Variants in YPEL2 observed in about 807,000 individuals in gnomAD.
YPEL2 encodes protein yippee-like 2.
In YPEL2, 2 loss-of-function variants were observed where a neutral mutation model predicts 19.1. The ratio of observed to expected loss-of-function variants is 0.10; its 90% CI spans 0.04 to 0.33. The LOEUF (loss-of-function observed/expected upper bound fraction) is 0.33. Among genes scored for constraint, YPEL2 ranks in the 10% least tolerant of loss-of-function variants. The pLI, the probability that YPEL2 is intolerant of heterozygous loss-of-function variation, is 1.00. For synonymous variants in YPEL2, 52 were observed against 50.0 expected (o/e 1.04, Z -0.17); for missense variants, 66 against 140.7 (o/e 0.47, Z 2.68).
chr17:59,385,233 A>T (rs1187432264), intron 2 of YPEL2, among the ~76,000 whole-genome samples: 3 of 152,214 alleles, frequency 2.0e-5, no homozygotes, highest in Admixed American at 2.0e-4. Flanking sequence ...AAAAAGTCAG[A>T]CAAACACATA....
At chr17:59,358,511 C>T (rs1042805743) in intron 2 of YPEL2, among the ~76,000 whole-genome samples, 4 of 151,680 alleles carry the variant, frequency 2.6e-5, no homozygotes, top group East Asian at 1.9e-4. Flanking sequence ...AAGGAAGTAC[C>T]GAGATCTGAC....
intron 2 of YPEL2, chr17:59,355,235 A>T (rs1188710484): frequency 6.6e-6 from 1 of 152,220 alleles, no homozygotes; most frequent in Admixed American, 6.5e-5. Flanking sequence ...TGAAACTCAT[A>T]AAACTTGTCC....
At chr17:59,362,146 TA>T (rs148769253) in intron 2 of YPEL2, among the ~76,000 whole-genome samples, 3,027 of 152,230 alleles carry the variant, frequency 0.02, 103 homozygotes, top group African/African-American at 0.068. Context: ...AGGAAGAGAC[TA>T]GAATGGGGCA....
chr17:59,351,061 G>A (rs2047785238), intron 1 of YPEL2, among the ~76,000 whole-genome samples: 1 of 152,096 alleles, frequency 6.6e-6, no homozygotes, highest in South Asian at 2.1e-4. Context: ...TGTCTATCCT[G>A]AAATGGAACA....
intron 2 of YPEL2, among the ~76,000 whole-genome samples, chr17:59,357,990 A>G (rs898331241): frequency 7.9e-5 from 12 of 152,180 alleles, no homozygotes; most frequent in Non-Finnish European, 7.3e-5. Flanking sequence ...CGCTATTGTT[A>G]TGTCAGATCT....
chr17:59,395,189 T>G (rs2048032556), intron 4 of YPEL2, among the ~76,000 whole-genome samples: 1 of 151,508 alleles, frequency 6.6e-6, no homozygotes, highest in African/African-American at 2.4e-5. Context: ...CCAAAACACA[T>G]TGCTCTGTCA....
chr17:59,388,710 A>G, intron 3 of YPEL2: 1 of 312,832 alleles, frequency 3.2e-6, no homozygotes, highest in Non-Finnish European at 5.9e-6. Context: ...TGGGTGAAAA[A>G]GACACCAAGA....
intron 1 of YPEL2, among the ~76,000 whole-genome samples, chr17:59,349,939 A>T (rs1471823705): frequency 6.6e-6 from 1 of 152,184 alleles, no homozygotes; most frequent in Non-Finnish European, 1.5e-5. Context: ...GATTACGGGC[A>T]TGAGCCACTG....
intron 1 of YPEL2, among the ~76,000 whole-genome samples, chr17:59,347,263 CAGAG>C (rs2047761001): frequency 6.6e-6 from 1 of 152,142 alleles, no homozygotes; most frequent in Non-Finnish European, 1.5e-5. Context: ...TAGTAAATGA[CAGAG>C]CTGAGATTTG....
chr17:59,364,466 T>C (rs199682921), intron 2 of YPEL2, among the ~76,000 whole-genome samples: 6 of 152,208 alleles, frequency 3.9e-5, no homozygotes, highest in Non-Finnish European at 7.3e-5. Context: ...AAGTTCCTTC[T>C]ACTTCCCCCC....
intron 2 of YPEL2, among the ~76,000 whole-genome samples, chr17:59,371,654 C>A (rs151329874): frequency 6.6e-6 from 1 of 152,114 alleles, no homozygotes; most frequent in Non-Finnish European, 1.5e-5. Flanking sequence ...ATAGCCCTGC[C>A]GCGAGACAGG....
At chr17:59,392,020 A>G (rs1966378) in intron 4 of YPEL2, among the ~76,000 whole-genome samples, 46,693 of 151,898 alleles carry the variant, frequency 0.31, 7,515 homozygotes, top group Middle Eastern at 0.41. Context: ...TGGCCATTCT[A>G]TTCCCTCTGT....
intron 2 of YPEL2, among the ~76,000 whole-genome samples, chr17:59,380,804 CG>C (rs1309486024): frequency 6.6e-6 from 1 of 152,150 alleles, no homozygotes; most frequent in African/African-American, 2.4e-5. Context: ...GCTTTAAAAG[CG>C]GTGGATTCAC....
intron 2 of YPEL2, among the ~76,000 whole-genome samples, chr17:59,367,569 G>C (rs2047876630): frequency 6.6e-6 from 1 of 152,170 alleles, no homozygotes; most frequent in South Asian, 2.1e-4. Flanking sequence ...CCCTTGGACT[G>C]GTTTACTTAA....
At chr17:59,344,369 G>C (rs537193616) in intron 1 of YPEL2, among the ~76,000 whole-genome samples, 80 of 152,308 alleles carry the variant, frequency 5.3e-4, no homozygotes, top group African/African-American at 1.9e-3. Flanking sequence ...CTCAAACAGA[G>C]AGGTAGGAGA....
At chr17:59,397,030 A>G (rs1455497092) in intron 4 of YPEL2, 71 bp from the exon 5 acceptor site, 1 of 1,311,956 alleles carries the variant, frequency 7.6e-7, no homozygotes, top group East Asian at 2.7e-5. Flanking sequence ...GACTGCCTCA[A>G]AAAAGAAAAA....
rs569413729 is a variant in YPEL2 at position 59,398,020 on chromosome 17, A to T, written c.*830A>T. On this transcript the variant is annotated 3_prime_UTR_variant, in exon 5 of 5. Coordinates refer to ENST00000312655, the MANE Select transcript of YPEL2 (RefSeq NM_001005404.4). ...CCATCCAAATATCCCAAAGGCTTTG[A>T]CCAGCAACCAAGTAAAATCAGTAAT... 2 of 152,274 alleles carry T rather than the reference A, an allele frequency of 1.3e-5. No homozygotes were observed. The highest frequency in any genetic ancestry group is 2.9e-5 in the Non-Finnish European group (2 of 68,080). The allele number at this position is 152,274 out of a possible 1,614,324, so 9.4% of individuals were successfully genotyped here. A position where few individuals can be genotyped will look rare whatever the true frequency, so the allele number is the denominator to read the frequency against.
At chr17:59,390,466 A>G (rs1173529635) in intron 4 of YPEL2, among the ~76,000 whole-genome samples, 2 of 152,196 alleles carry the variant, frequency 1.3e-5, no homozygotes, top group African/African-American at 4.8e-5. Flanking sequence ...TTCTGAAGCC[A>G]CTGTACTTTG....
At chr17:59,375,538 C>T (rs1401646155) in intron 2 of YPEL2, among the ~76,000 whole-genome samples, 4 of 152,048 alleles carry the variant, frequency 2.6e-5, no homozygotes, top group Non-Finnish European at 5.9e-5. Flanking sequence ...GGTGTTCCCT[C>T]GGTGGTCCTC....
Sources: allele counts gnomAD v4.1 joint callset (sites outside exome capture counted in the v4.1 genomes callset), GRCh38; gene constraint gnomAD v4.1.1; transcripts MANE v1.5; gene names NCBI Gene and HGNC (gene_info 2026-07-23, HGNC 2026-07-21).